PIGK: variants seen among roughly 807,000 people sequenced by gnomAD.
PIGK encodes GPI-anchor transamidase.
Under a neutral mutation model 50.6 loss-of-function variants are expected in PIGK, and 42 were observed. The observed-to-expected ratio is 0.83, with a 90% confidence interval of 0.65 to 1.07. The LOEUF (loss-of-function observed/expected upper bound fraction) is 1.07, where lower values mean the gene tolerates loss of function less well. Ranked by LOEUF, PIGK falls within the 50% of genes least tolerant of loss-of-function variation. PIGK has a pLI of 0.00. For missense variants in PIGK, 448 were observed against 488.7 expected, an observed-to-expected ratio of 0.92 and a Z score of 0.78; for synonymous variants, 151 against 156.0, an observed-to-expected ratio of 0.97 and a Z score of 0.24.
chr1:77,177,095 C>T (rs1098122), intron 3 of PIGK, among the ~76,000 whole-genome samples: 3,443 of 152,262 alleles, frequency 0.023, 139 homozygotes, highest in African/African-American at 0.079. Context: ...ATTTTCAATG[C>T]ATGTTTTCTG....
intron 3 of PIGK, among the ~76,000 whole-genome samples, chr1:77,191,428 G>C (rs754392666): frequency 6.6e-6 from 1 of 152,100 alleles, no homozygotes; most frequent in African/African-American, 2.4e-5. Context: ...TATAATAAAA[G>C]TATTTTGGAA....
chr1:77,195,768 A>C (rs1003821466), intron 3 of PIGK, among the ~76,000 whole-genome samples: 1 of 152,042 alleles, frequency 6.6e-6, no homozygotes, highest in African/African-American at 2.4e-5. Context: ...TTTCATATAT[A>C]TACAGAATAT....
At position 77,091,800 on chromosome 1, in the gene PIGK, A is replaced by G. The variant is rs185288928; in HGVS notation, c.*574T>C. 9.8e-5 allele frequency: 15 copies of G among 152,342 alleles called. No homozygotes were observed. The highest frequency in any genetic ancestry group is 3.6e-4 in the African/African-American group (15 of 41,582). 9.4% of individuals were successfully genotyped at this position (152,342 alleles called of 1,614,324 possible). A position where few individuals can be genotyped will look rare whatever the true frequency, so the allele number is the denominator to read the frequency against. On this transcript the variant is annotated 3_prime_UTR_variant, in exon 11 of 11. Transcript: ENST00000370812. Reference sequence around the variant, plus strand: ...TAAACCAAAGGAAAACATTTGGTACAATGTAAGTGGTCCAACAATAGAAGA... The same window carrying G: ...TAAACCAAAGGAAAACATTTGGTACGATGTAAGTGGTCCAACAATAGAAGA...
chr1:77,143,619 A>C (rs1431823388), intron 9 of PIGK, among the ~76,000 whole-genome samples: 1 of 152,154 alleles, frequency 6.6e-6, no homozygotes, highest in Non-Finnish European at 1.5e-5. Context: ...CTGAAAAAAC[A>C]ACAATCATAA....
chr1:77,208,834 G>A (rs1656352004), intron 2 of PIGK, among the ~76,000 whole-genome samples: 1 of 151,994 alleles, frequency 6.6e-6, no homozygotes, highest in Non-Finnish European at 1.5e-5. Context: ...TTACTTATAG[G>A]AACCTATAGA....
At chr1:77,099,673 T>C (rs1280395808) in intron 10 of PIGK, among the ~76,000 whole-genome samples, 1 of 152,186 alleles carries the variant, frequency 6.6e-6, no homozygotes, top group African/African-American at 2.4e-5. Context: ...CATTTTACAA[T>C]GATTTTACTT....
chr1:77,151,402 G>A (rs372751347), intron 9 of PIGK, among the ~76,000 whole-genome samples: 1 of 152,078 alleles, frequency 6.6e-6, no homozygotes, highest in African/African-American at 2.4e-5. Flanking sequence ...ACTTAATGCG[G>A]AACAACTGAA....
intron 9 of PIGK, among the ~76,000 whole-genome samples, chr1:77,130,686 A>G (rs968275170): frequency 2.6e-5 from 4 of 152,142 alleles, no homozygotes; most frequent in Non-Finnish European, 5.9e-5. Flanking sequence ...TAGTCATCCA[A>G]ATGGCTTTGG....
At chr1:77,122,819 G>A (rs1035668010) in intron 9 of PIGK, among the ~76,000 whole-genome samples, 1 of 152,018 alleles carries the variant, frequency 6.6e-6, no homozygotes, top group East Asian at 1.9e-4. Flanking sequence ...CAGTTTCCCC[G>A]TGCTGTTATA....
At chr1:77,198,878 C>A (rs1656092773) in intron 3 of PIGK, among the ~76,000 whole-genome samples, 1 of 151,804 alleles carries the variant, frequency 6.6e-6, no homozygotes, top group African/African-American at 2.4e-5. Flanking sequence ...AAACCAATTC[C>A]AAAATTAATA....
chr1:77,159,164 A>G (rs1655078906), intron 8 of PIGK, among the ~76,000 whole-genome samples: 1 of 152,260 alleles, frequency 6.6e-6, no homozygotes, highest in South Asian at 2.1e-4. Flanking sequence ...AATGGGCCAA[A>G]GTACATCTTG....
At chr1:77,127,310 T>C (rs1201640047) in intron 9 of PIGK, among the ~76,000 whole-genome samples, 1 of 152,182 alleles carries the variant, frequency 6.6e-6, no homozygotes, top group African/African-American at 2.4e-5. Context: ...CACTGTAAAA[T>C]TATTTACTGT....
At chr1:77,203,820 C>T (rs1484355155) in intron 3 of PIGK, among the ~76,000 whole-genome samples, 4 of 152,156 alleles carry the variant, frequency 2.6e-5, no homozygotes, top group Non-Finnish European at 5.9e-5. Context: ...ATTTCATGGA[C>T]ATTTATCACT....
chr1:77,137,094 G>A lies in PIGK; in HGVS notation c.987-14735C>T, dbSNP rs1467886973. Among the ~76,000 whole-genome samples the A allele has an allele frequency of 6.6e-5, 10 of 152,296 alleles. No individual in the cohort carries two copies. In the South Asian group the frequency reaches 2.1e-3, roughly 32 times the overall value. On this transcript the variant is annotated intron_variant, in intron 9 of 10. Transcript: ENST00000370812. ...CCTTCTGCACAATAGGATGCAGCAA[G>A]AATAACAGGGCTCCAGTTTCAAATC...
At chr1:77,205,957 T>C (rs1275961257) in intron 3 of PIGK, among the ~76,000 whole-genome samples, 1 of 152,120 alleles carries the variant, frequency 6.6e-6, no homozygotes, top group East Asian at 1.9e-4. Flanking sequence ...TACTAGCTCT[T>C]CCAGTCACCC....
At chr1:77,115,151 T>C (rs977966455) in intron 10 of PIGK, among the ~76,000 whole-genome samples, 1 of 152,116 alleles carries the variant, frequency 6.6e-6, no homozygotes, top group Non-Finnish European at 1.5e-5. Flanking sequence ...AGAGTAATGA[T>C]AAACAAAAAC....
chr1:77,111,864 C>T (rs1653852724), intron 10 of PIGK, among the ~76,000 whole-genome samples: 1 of 151,942 alleles, frequency 6.6e-6, no homozygotes. Flanking sequence ...CTTAGTAAAT[C>T]AAAACTAGGT....
chr1:77,102,437 G>A (rs1653570591), intron 10 of PIGK, among the ~76,000 whole-genome samples: 1 of 152,202 alleles, frequency 6.6e-6, no homozygotes, highest in South Asian at 2.1e-4. Flanking sequence ...GTTCTTCAGT[G>A]TGGTAGAAGG....
intron 2 of PIGK, 61 bp downstream of exon 2, chr1:77,210,375 A>T (rs1656389040): frequency 7.3e-6 from 7 of 958,388 alleles, no homozygotes; most frequent in Non-Finnish European, 1.1e-5. Context: ...TTTGATTCAC[A>T]CAAATTTCTC....
Sources: allele counts gnomAD v4.1 joint callset (sites outside exome capture counted in the v4.1 genomes callset), GRCh38; gene constraint gnomAD v4.1.1; transcripts MANE v1.5; gene names NCBI Gene and HGNC (gene_info 2026-07-23, HGNC 2026-07-21).